Variants in MYO3B observed in about 807,000 individuals in gnomAD.
MYO3B encodes the protein myosin-IIIb.
In MYO3B, 156 loss-of-function variants were observed where a neutral mutation model predicts 174.6. The ratio of observed to expected loss-of-function variants is 0.89; its 90% confidence interval spans 0.78 to 1.02. MYO3B has a LOEUF of 1.02. MYO3B is among the 50% of genes least tolerant of loss of function. The pLI is 0.00. For synonymous variants in MYO3B, 563 were observed against 569.1 expected (o/e 0.99, Z 0.15); for missense variants, 1,632 against 1,639.4 (o/e 1.00, Z 0.08).
At chr2:170,632,012 A>C (rs1239119905) in intron 32 of MYO3B, among the ~76,000 whole-genome samples, 9 of 152,258 alleles carry the variant, frequency 5.9e-5, no homozygotes, top group Admixed American at 4.6e-4. Context: ...CCACAAGGAG[A>C]CTTAGACTCC....
intron 14 of MYO3B, among the ~76,000 whole-genome samples, chr2:170,388,695 C>T (rs545600693): frequency 6.6e-6 from 1 of 152,136 alleles, no homozygotes; most frequent in Non-Finnish European, 1.5e-5. Flanking sequence ...TTGCCAGATT[C>T]ATGTGAGAGA....
At chr2:170,313,607 A>T (rs1433749553) in intron 7 of MYO3B, among the ~76,000 whole-genome samples, 1 of 152,118 alleles carries the variant, frequency 6.6e-6, no homozygotes, top group Admixed American at 6.5e-5. Flanking sequence ...TGGACCCTAG[A>T]ATCAGTTTTA....
In MYO3B at chr2:170,222,242, C is replaced by T. The variant is rs538342284; in HGVS notation, c.603+4847C>T. On this transcript the variant is annotated intron_variant, in intron 6 of 34. Coordinates refer to ENST00000408978, the MANE Select transcript of MYO3B (RefSeq NM_138995.5). ...AGTAGTGGCTCCAACATGCCAATAG[C>T]CACAGGTGAAGGCACTCATGGTGCA... Among the ~76,000 whole-genome samples the T allele has an allele frequency of 2.6e-5, 4 of 152,270 alleles. No homozygotes were observed. In the East Asian group the frequency reaches 7.7e-4, roughly 29 times the overall value.
chr2:170,335,710 C>A (rs536488599), intron 8 of MYO3B, among the ~76,000 whole-genome samples: 25 of 152,260 alleles, frequency 1.6e-4, no homozygotes, highest in South Asian at 1.2e-3. Context: ...TGTCTTAGGG[C>A]AAATATTGAC....
At chr2:170,188,199 A>G (rs2092491526) in intron 1 of MYO3B, among the ~76,000 whole-genome samples, 2 of 152,182 alleles carry the variant, frequency 1.3e-5, no homozygotes, top group Admixed American at 6.5e-5. Flanking sequence ...TTGTCATTAT[A>G]TAATGACCTT....
At chr2:170,468,312 A>G (rs548655681) in intron 25 of MYO3B, among the ~76,000 whole-genome samples, 8 of 152,344 alleles carry the variant, frequency 5.3e-5, no homozygotes, top group Non-Finnish European at 8.8e-5. Context: ...AAGACAGGAA[A>G]CAGAGCCATT....
At chr2:170,491,675 T>C (rs945972024) in intron 25 of MYO3B, among the ~76,000 whole-genome samples, 17 of 152,260 alleles carry the variant, frequency 1.1e-4, no homozygotes, top group Non-Finnish European at 2.2e-4. Flanking sequence ...TCTGCCCGCC[T>C]TGGCCTCCCA....
intron 7 of MYO3B, among the ~76,000 whole-genome samples, chr2:170,315,518 C>T (rs939890141): frequency 2.6e-5 from 4 of 152,028 alleles, no homozygotes; most frequent in Admixed American, 1.3e-4. Flanking sequence ...GTTGGCCAGG[C>T]TGGTCTTGAA....
chr2:170,310,863 A>G (rs1209298228), intron 7 of MYO3B, among the ~76,000 whole-genome samples: 1 of 152,012 alleles, frequency 6.6e-6, no homozygotes, highest in Non-Finnish European at 1.5e-5. Flanking sequence ...TATTTATCAG[A>G]CTTAAAGTCT....
At chr2:170,188,997 T>G (rs2092506078) in intron 1 of MYO3B, among the ~76,000 whole-genome samples, 1 of 152,162 alleles carries the variant, frequency 6.6e-6, no homozygotes, top group Non-Finnish European at 1.5e-5. Context: ...TTTTTCAGAT[T>G]GAAGAACTCC....
intron 18 of MYO3B, among the ~76,000 whole-genome samples, chr2:170,401,947 C>T (rs748565626): frequency 9.2e-5 from 14 of 152,092 alleles, no homozygotes; most frequent in Non-Finnish European, 1.2e-4. Flanking sequence ...GGATTACAGG[C>T]GCGTGCCACC....
intron 25 of MYO3B, among the ~76,000 whole-genome samples, chr2:170,469,838 C>T (rs1684864252): frequency 6.6e-6 from 1 of 152,112 alleles, no homozygotes; most frequent in Admixed American, 6.5e-5. Context: ...CACGGTGGCT[C>T]ACACCTGTAA....
chr2:170,343,552 C>T (rs1558907487), intron 8 of MYO3B: 1 of 152,270 alleles, frequency 6.6e-6, no homozygotes, highest in Non-Finnish European at 1.5e-5. Flanking sequence ...CAGCCAGCCA[C>T]AGGCTTCTCC....
At chr2:170,225,039 C>T (rs1030517489) in intron 6 of MYO3B, among the ~76,000 whole-genome samples, 1 of 152,210 alleles carries the variant, frequency 6.6e-6, no homozygotes, top group Admixed American at 6.5e-5. Flanking sequence ...GAAAGACATA[C>T]AACACTATAG....
chr2:170,453,180 T>C (rs1361187626), intron 23 of MYO3B, among the ~76,000 whole-genome samples: 1 of 152,096 alleles, frequency 6.6e-6, no homozygotes, highest in Non-Finnish European at 1.5e-5. Context: ...TTCAGGGGCC[T>C]GCAGCAAAGT....
At chr2:170,574,321 G>A (rs1015339630) in intron 32 of MYO3B, among the ~76,000 whole-genome samples, 4 of 151,986 alleles carry the variant, frequency 2.6e-5, no homozygotes, top group South Asian at 2.1e-4. Context: ...TATTGAGATC[G>A]ACTAATGTAA....
intron 32 of MYO3B, among the ~76,000 whole-genome samples, chr2:170,604,583 C>A (rs1041967961): frequency 1.3e-5 from 2 of 152,122 alleles, no homozygotes; most frequent in Non-Finnish European, 2.9e-5. Flanking sequence ...AATAGGTCAG[C>A]ACTTCTGAGT....
intron 25 of MYO3B, among the ~76,000 whole-genome samples, chr2:170,491,750 T>A (rs1686499304): frequency 6.6e-6 from 1 of 152,234 alleles, no homozygotes; most frequent in Non-Finnish European, 1.5e-5. Context: ...TATGAAGTCA[T>A]GTTTTGTGAA....
chr2:170,632,391 C>T (rs972765568), intron 32 of MYO3B, among the ~76,000 whole-genome samples: 23 of 151,994 alleles, frequency 1.5e-4, no homozygotes, highest in East Asian at 5.8e-4. Flanking sequence ...GGGTACATAA[C>T]GAAATGAAGG....
Sources: allele counts gnomAD v4.1 joint callset (sites outside exome capture counted in the v4.1 genomes callset), GRCh38; gene constraint gnomAD v4.1.1; transcripts MANE v1.5; gene names NCBI Gene and HGNC (gene_info 2026-07-23, HGNC 2026-07-21).